Variants in B3GALT1 observed in about 807,000 individuals in gnomAD.
B3GALT1 encodes UDP-Gal:betaGlcNAc beta 1,3-galactosyltransferase, polypeptide 1.
Under a neutral mutation model 23.2 loss-of-function variants are expected in B3GALT1, and 10 were observed. The observed-to-expected ratio is 0.43, with a 90% CI of 0.27 to 0.73. The LOEUF (loss-of-function observed/expected upper bound fraction) is 0.73. Among genes scored for constraint, B3GALT1 ranks in the 30% least tolerant of loss-of-function variants. The pLI, the probability that B3GALT1 is intolerant of heterozygous loss-of-function variation, is 0.21. For synonymous variants in B3GALT1, 156 were observed against 141.5 expected (o/e 1.10, Z -0.73); for missense variants, 299 against 405.4 (o/e 0.74, Z 2.25).
At chr2:167,713,562 A>T (rs925548004) in intron 3 of B3GALT1, 1 of 776,810 alleles carries the variant, frequency 1.3e-6, no homozygotes, top group African/African-American at 1.7e-5. Flanking sequence ...TTAAACTTCA[A>T]TTTGAGAAAA....
At chr2:167,483,010 G>C (rs755335030) in intron 1 of B3GALT1, among the ~76,000 whole-genome samples, 1 of 151,950 alleles carries the variant, frequency 6.6e-6, no homozygotes, top group African/African-American at 2.4e-5. Context: ...CTTGAGGCCA[G>C]TGGCCAGGCG....
intron 1 of B3GALT1, among the ~76,000 whole-genome samples, chr2:167,319,738 C>G (rs1414827192): frequency 6.6e-6 from 1 of 151,984 alleles, no homozygotes; most frequent in African/African-American, 2.4e-5. Flanking sequence ...GACATAGATA[C>G]TTAATTATAT....
intron 2 of B3GALT1, among the ~76,000 whole-genome samples, chr2:167,536,975 T>G (rs1683439762): frequency 6.6e-6 from 1 of 152,144 alleles, no homozygotes; most frequent in African/African-American, 2.4e-5. Flanking sequence ...TCTGAAAGCC[T>G]ACTAAAAGTC....
At chr2:167,516,780 C>G (rs1700104547) in intron 2 of B3GALT1, among the ~76,000 whole-genome samples, 1 of 151,914 alleles carries the variant, frequency 6.6e-6, no homozygotes, top group South Asian at 2.1e-4. Context: ...GAAACCAGTA[C>G]AAACACATGT....
intron 4 of B3GALT1, among the ~76,000 whole-genome samples, chr2:167,852,467 GGTGTGTGTGTGTGTGT>G (rs66820655): frequency 6.8e-5 from 10 of 146,576 alleles, no homozygotes; most frequent in African/African-American, 1.0e-4. Context: ...TATTCGTGAT[GGTGTGTGTGTGTGTGT>G]GTGTGTGTGT....
chr2:167,447,155 C>T (rs1699012473), intron 1 of B3GALT1, among the ~76,000 whole-genome samples: 1 of 152,156 alleles, frequency 6.6e-6, no homozygotes, highest in Non-Finnish European at 1.5e-5. Flanking sequence ...TGGGTATCAC[C>T]AGTGGAGGCT....
intron 2 of B3GALT1, among the ~76,000 whole-genome samples, chr2:167,621,258 C>T (rs1040557358): frequency 6.6e-6 from 1 of 151,382 alleles, no homozygotes; most frequent in Non-Finnish European, 1.5e-5. Context: ...CTGGCTTATA[C>T]ATTTATTTAT....
intron 3 of B3GALT1, among the ~76,000 whole-genome samples, chr2:167,810,037 T>C (rs896953427): frequency 6.6e-6 from 1 of 152,138 alleles, no homozygotes; most frequent in Non-Finnish European, 1.5e-5. Context: ...CTCAGACTGC[T>C]GTGCTAGCAA....
intron 1 of B3GALT1, among the ~76,000 whole-genome samples, chr2:167,429,716 C>T (rs1420372139): frequency 6.6e-6 from 1 of 152,154 alleles, no homozygotes; most frequent in Non-Finnish European, 1.5e-5. Context: ...CCTGTGTGAC[C>T]TCAGCTAAGT....
chr2:167,501,002 A>T (rs1317468022), intron 2 of B3GALT1, among the ~76,000 whole-genome samples: 1 of 152,128 alleles, frequency 6.6e-6, no homozygotes, highest in Non-Finnish European at 1.5e-5. Flanking sequence ...TTTGCTGTTA[A>T]ATTCCTAGAG....
chr2:167,642,138 T>C (rs990922304), intron 2 of B3GALT1, among the ~76,000 whole-genome samples: 6 of 152,198 alleles, frequency 3.9e-5, no homozygotes, highest in Non-Finnish European at 7.3e-5. Context: ...TTACTCTCAC[T>C]GCAGACTTGG....
At chr2:167,643,711 T>G (rs1456223666) in intron 2 of B3GALT1, among the ~76,000 whole-genome samples, 2 of 152,226 alleles carry the variant, frequency 1.3e-5, no homozygotes, top group Non-Finnish European at 2.9e-5. Context: ...AAATCTTCCC[T>G]TTTATGAAGT....
chr2:167,873,736 G>A lies in B3GALT1; in HGVS notation c.*3716G>A, dbSNP rs1439488482. On this transcript the variant is annotated 3_prime_UTR_variant, in exon 5 of 5. Coordinates refer to ENST00000392690, the MANE Select transcript of B3GALT1 (RefSeq NM_020981.4). ...ATTTATGTATTTATTTGTCAAAATT[G>A]TACATACTGTTTCGCCAAAAGTAAT... 1 of 152,212 alleles carries A rather than the reference G, an allele frequency of 6.6e-6. No individual in the cohort carries two copies. Among genetic ancestry groups the A allele is most frequent in the Middle Eastern group, 3.2e-3 (1 of 316 alleles). The allele number at this position is 152,212 out of a possible 1,614,324, so 9.4% of individuals were successfully genotyped here.
chr2:167,761,138 C>T (rs767307556), intron 3 of B3GALT1, among the ~76,000 whole-genome samples: 3 of 152,170 alleles, frequency 2.0e-5, no homozygotes, highest in Admixed American at 6.5e-5. Context: ...CCAGCAATCA[C>T]GTAGTGATAG....
chr2:167,500,403 A>G (rs1302420978), intron 2 of B3GALT1, among the ~76,000 whole-genome samples: 2 of 152,136 alleles, frequency 1.3e-5, no homozygotes, highest in Non-Finnish European at 2.9e-5. Flanking sequence ...TTATATCACC[A>G]CTTTAAATGA....
At chr2:167,426,722 C>G in intron 1 of B3GALT1, among the ~76,000 whole-genome samples, 1 of 152,218 alleles carries the variant, frequency 6.6e-6, no homozygotes, top group East Asian at 1.9e-4. Flanking sequence ...CAAATTTACA[C>G]AGTTAGGCAG....
chr2:167,439,309 A>G (rs527924217), intron 1 of B3GALT1, among the ~76,000 whole-genome samples: 1 of 152,214 alleles, frequency 6.6e-6, no homozygotes, highest in Non-Finnish European at 1.5e-5. Flanking sequence ...ATCTTAAGCC[A>G]CATCAATTCC....
chr2:167,692,675 G>T (rs1686732612), intron 3 of B3GALT1, among the ~76,000 whole-genome samples: 2 of 151,796 alleles, frequency 1.3e-5, no homozygotes, highest in African/African-American at 4.8e-5. Context: ...TAATGGGCTT[G>T]GATATATTTC....
intron 1 of B3GALT1, among the ~76,000 whole-genome samples, chr2:167,337,704 T>A (rs1697081898): frequency 6.6e-6 from 1 of 152,160 alleles, no homozygotes; most frequent in Non-Finnish European, 1.5e-5. Context: ...ATATCTGCAT[T>A]TAAATTCTGA....
Sources: gnomAD v4.1 joint callset for allele counts (sites outside exome capture counted in the v4.1 genomes callset) on GRCh38, gnomAD v4.1.1 for gene constraint, MANE v1.5 for transcripts, NCBI Gene and HGNC (gene_info 2026-07-23, HGNC 2026-07-21) for gene names.